The following KCNIP4 variants were observed in gnomAD, a reference collection of about 807,000 sequenced individuals.
KCNIP4 encodes the protein potassium voltage-gated channel interacting protein 4, also known as Kv channel-interacting protein 4.
A neutral mutation model predicts 34.0 loss-of-function variants in KCNIP4; 12 were observed. The observed-to-expected ratio is 0.35, with a 90% CI of 0.23 to 0.57. The LOEUF is 0.57. KCNIP4 is among the 20% of genes least tolerant of loss of function. The pLI, the probability that KCNIP4 is intolerant of heterozygous loss-of-function variation, is 0.83. For synonymous variants in KCNIP4, 124 were observed against 102.2 expected (o/e 1.21, Z -1.29); for missense variants, 238 against 311.7 (o/e 0.76, Z 1.78).
chr4:21,613,675 T>C (rs1744345912), intron 1 of KCNIP4: 1 of 152,180 alleles, frequency 6.6e-6, no homozygotes, highest in African/African-American at 2.4e-5. Flanking sequence ...AATCTCAAAA[T>C]CCCTTCATGT....
At chr4:21,246,469 G>A (rs1760211704) in intron 1 of KCNIP4, among the ~76,000 whole-genome samples, 2 of 152,128 alleles carry the variant, frequency 1.3e-5, no homozygotes, top group Admixed American at 1.3e-4. Flanking sequence ...ATACTTATGT[G>A]TGCTAAAAGA....
chr4:21,123,276 T>A (rs1379771337), intron 1 of KCNIP4, among the ~76,000 whole-genome samples: 2 of 152,204 alleles, frequency 1.3e-5, no homozygotes, highest in African/African-American at 2.4e-5. Context: ...CTCATTTATA[T>A]TTATTGAATG....
chr4:21,276,101 G>T lies in KCNIP4; in HGVS notation c.62-393392C>A, dbSNP rs117841215. Among the ~76,000 whole-genome samples, 1,012 of 152,316 alleles carry T rather than the reference G, an allele frequency of 6.6e-3. 28 individuals carry two copies. In the East Asian group the frequency reaches 0.092, roughly 14 times the overall value. ...GATATAGAACTTCCTCAAGCAAATG[G>T]TGCCACTACATTCTGTCCAACCGGG... On this transcript the variant is annotated intron_variant, in intron 1 of 8. Coordinates refer to ENST00000382152, the MANE Select transcript of KCNIP4 (RefSeq NM_025221.6).
chr4:21,393,737 A>G (rs569203956), intron 1 of KCNIP4, among the ~76,000 whole-genome samples: 107 of 152,278 alleles, frequency 7.0e-4, no homozygotes, highest in Middle Eastern at 3.4e-3. Context: ...ATCTGTTAGA[A>G]TGTTTTGTAA....
At position 21,180,625 on chromosome 4, in the gene KCNIP4, C is replaced by A. The variant is rs528926430; in HGVS notation, c.62-297916G>T. Among the ~76,000 whole-genome samples the A allele has an allele frequency of 1.2e-3, 183 of 151,278 alleles. 2 individuals are homozygous for A. Among genetic ancestry groups the A allele is most frequent in the African/African-American group, 4.1e-3 (168 of 41,356 alleles). On this transcript the variant is annotated intron_variant, in intron 1 of 8. Coordinates refer to ENST00000382152, the MANE Select transcript of KCNIP4 (RefSeq NM_025221.6). ...CAAAGGAAGAAGAAACTACTGTTGG[C>A]AAGTTGCAATGGCTTCTTTCCTCTA...
intron 1 of KCNIP4, among the ~76,000 whole-genome samples, chr4:21,263,668 TTTTTAA>T (rs1240361933): frequency 6.6e-6 from 1 of 152,140 alleles, no homozygotes; most frequent in Non-Finnish European, 1.5e-5. Context: ...TCTGTTTAAT[TTTTTAA>T]TTTTATTTTT....
chr4:21,005,666 C>T (rs1738489474), intron 1 of KCNIP4, among the ~76,000 whole-genome samples: 1 of 151,890 alleles, frequency 6.6e-6, no homozygotes, highest in Non-Finnish European at 1.5e-5. Context: ...ATGAATTTCA[C>T]CATAAATATG....
At chr4:21,168,814 T>C (rs1753810546) in intron 1 of KCNIP4, among the ~76,000 whole-genome samples, 1 of 151,958 alleles carries the variant, frequency 6.6e-6, no homozygotes. Flanking sequence ...TCTTGTAGGA[T>C]CTCTACACTA....
At position 21,835,579 on chromosome 4, in the gene KCNIP4, G is replaced by GT. The variant is rs34020521; in HGVS notation, c.61+112991dup. Among the ~76,000 whole-genome samples the GT allele has an allele frequency of 2.3e-3, 244 of 106,152 alleles. 1 individual carries two copies. Among genetic ancestry groups the GT allele is most frequent in the African/African-American group, 8.0e-3 (226 of 28,100 alleles). 69.6% of individuals were successfully genotyped at this position (106,152 alleles called of 152,430 possible). On this transcript the variant is annotated intron_variant, in intron 1 of 8. Transcript: ENST00000382152. ...AAAGTTTTTCCAAATGTTTTCTTAC[G>GT]TTTTTTTTTGTTAGTTTTTTTTTGT...
At chr4:21,318,000 G>A (rs973283887) in intron 1 of KCNIP4, among the ~76,000 whole-genome samples, 3 of 152,170 alleles carry the variant, frequency 2.0e-5, no homozygotes, top group Non-Finnish European at 4.4e-5. Context: ...TTTACCAGCA[G>A]TGTGAAAACA....
chr4:21,084,513 G>T (rs1375648175), intron 1 of KCNIP4, among the ~76,000 whole-genome samples: 1 of 148,560 alleles, frequency 6.7e-6, no homozygotes, highest in Non-Finnish European at 1.5e-5. Flanking sequence ...TAGACTGGGT[G>T]CTTCTCAGTG....
chr4:21,339,572 C>T (rs551485732), intron 1 of KCNIP4, among the ~76,000 whole-genome samples: 1 of 152,174 alleles, frequency 6.6e-6, no homozygotes, highest in South Asian at 2.1e-4. Context: ...ACTATGGGAT[C>T]TGAAGTGGGG....
At chr4:20,955,853 A>G (rs1733249219) in intron 1 of KCNIP4, among the ~76,000 whole-genome samples, 1 of 152,178 alleles carries the variant, frequency 6.6e-6, no homozygotes, top group African/African-American at 2.4e-5. Context: ...ATTAAGTAAT[A>G]TCCTCCTTTT....
intron 1 of KCNIP4, among the ~76,000 whole-genome samples, chr4:21,241,938 G>A (rs1759845340): frequency 1.3e-5 from 2 of 152,056 alleles, no homozygotes; most frequent in African/African-American, 4.8e-5. Context: ...GCCAAGGCGG[G>A]TGGATCATGA....
At chr4:21,752,832 G>A (rs1452909214) in intron 1 of KCNIP4, among the ~76,000 whole-genome samples, 1 of 152,098 alleles carries the variant, frequency 6.6e-6, no homozygotes, top group African/African-American at 2.4e-5. Flanking sequence ...ATGCCAGGCT[G>A]GAGACAGTTG....
At chr4:20,903,391 T>G (rs1727380394) in intron 1 of KCNIP4, among the ~76,000 whole-genome samples, 4 of 152,156 alleles carry the variant, frequency 2.6e-5, no homozygotes, top group Admixed American at 2.6e-4. Flanking sequence ...CAGATACATG[T>G]AAGAAATATG....
intron 3 of KCNIP4, among the ~76,000 whole-genome samples, chr4:20,786,965 A>G (rs1041846150): frequency 1.3e-5 from 2 of 152,162 alleles, no homozygotes; most frequent in African/African-American, 2.4e-5. Flanking sequence ...GGAAAGAAGT[A>G]TAAATATTTT....
chr4:21,385,181 G>A (rs764721959), intron 1 of KCNIP4, among the ~76,000 whole-genome samples: 1 of 152,154 alleles, frequency 6.6e-6, no homozygotes, highest in Non-Finnish European at 1.5e-5. Context: ...AGATGAAAGT[G>A]TTGCTTAAAA....
At chr4:21,574,885 T>C (rs1160713117) in intron 1 of KCNIP4, among the ~76,000 whole-genome samples, 4 of 152,222 alleles carry the variant, frequency 2.6e-5, no homozygotes, top group African/African-American at 9.6e-5. Flanking sequence ...ATCTGAGAAC[T>C]ATCTGTACTA....
Sources: gnomAD v4.1 joint callset for allele counts (sites outside exome capture counted in the v4.1 genomes callset) on GRCh38, gnomAD v4.1.1 for gene constraint, MANE v1.5 for transcripts, NCBI Gene and HGNC (gene_info 2026-07-23, HGNC 2026-07-21) for gene names.